The following ALPK3 variants were observed in gnomAD, a reference collection of about 807,000 sequenced individuals.
The protein encoded by ALPK3 is alpha kinase 3, also known as alpha-protein kinase 3.
In ALPK3, 102 loss-of-function variants were observed where a neutral mutation model predicts 140.0. The observed-to-expected ratio is 0.73, with a 90% CI of 0.62 to 0.86. The LOEUF is 0.86. Among genes scored for constraint, ALPK3 ranks in the 40% least tolerant of loss-of-function variants. The pLI is 0.00. For synonymous variants in ALPK3, 938 were observed against 898.5 expected, an observed-to-expected ratio of 1.04 and a Z score of -0.79; for missense variants, 2,254 against 2,208.2, an observed-to-expected ratio of 1.02 and a Z score of -0.42.
chr15:84,839,769 T>G lies in ALPK3; in HGVS notation c.490T>G (p.Ser164Ala), dbSNP rs1206736214. Residue 164 changes from serine (S) to alanine (A), a missense_variant, in exon 5 of 14, where the codon TCA becomes GCA. Ser to Ala is a moderately conservative substitution (Grantham distance 99). Transcript: ENST00000258888. ...AQNSKGIVSC[S>A]GVLEVGTMTE... is the part of the protein sequence containing the mutation. ...GAACAGCAAGGGCATTGTGTCCTGC[T>G]CAGGGGTCCTGGAGGTGGGCACCAT... 6.2e-7 allele frequency: 1 copy of G among 1,614,104 alleles called. No homozygotes were observed. Among genetic ancestry groups the G allele is most frequent in the South Asian group, 1.1e-5 (1 of 91,078 alleles).
At chr15:84,858,607 G>A (rs1596156380) in intron 6 of ALPK3, 52 bp downstream of exon 6, 3 of 1,511,220 alleles carry the variant, frequency 2.0e-6, no homozygotes, top group Middle Eastern at 1.9e-4. Flanking sequence ...GCCACAGAAA[G>A]CACACTGCTG....
intron 5 of ALPK3, among the ~76,000 whole-genome samples, chr15:84,846,978 T>A (rs1318307589): frequency 2.6e-5 from 4 of 152,152 alleles, no homozygotes; most frequent in Non-Finnish European, 5.9e-5. Context: ...TTGGCCAGCC[T>A]GGTCTTGAAC....
rs531734147 is a variant in ALPK3 at position 84,863,322 on chromosome 15, A to G, written c.4411-230A>G. Among the ~76,000 whole-genome samples, 3 of 152,320 alleles carry G rather than the reference A, an allele frequency of 2.0e-5. No homozygotes were observed. In the East Asian group the frequency reaches 5.8e-4, roughly 29 times the overall value. On this transcript the variant is annotated intron_variant, in intron 10 of 13. Transcript: ENST00000258888. The stretch of plus-strand genomic sequence containing the variant: ...ATAAGGACTCCCAAAAATAGTTCAG[A>G]AATCACTTCGAAAACCTCAGTTTGA...
At chr15:84,836,707 T>C (rs1963601054) in intron 3 of ALPK3, among the ~76,000 whole-genome samples, 1 of 152,234 alleles carries the variant, frequency 6.6e-6, no homozygotes, top group Non-Finnish European at 1.5e-5. Context: ...AAATGCCAGA[T>C]ATGCAGTCAG....
rs949112384 is a variant in ALPK3, at chr15:84,817,410, G to T, written c.-43G>T. The T allele has an allele frequency of 2.4e-6, 3 of 1,241,650 alleles. No homozygotes were observed. Among genetic ancestry groups the T allele is most frequent in the Non-Finnish European group, 3.0e-6 (3 of 996,576 alleles). The allele number at this position is 1,241,650 out of a possible 1,614,324, so 76.9% of individuals were successfully genotyped here. ...GGGCCGGGGCCTGGAGGACAGGCGA[G>T]GCAGCGGCGAGTGCGGGGCCGGCGG... On this transcript the variant is annotated 5_prime_UTR_variant, in exon 1 of 14. It adds an upstream start codon to the 5' untranslated region. Coordinates refer to ENST00000258888, the MANE Select transcript of ALPK3 (RefSeq NM_020778.5).
At chr15:84,838,531 C>CTGGG (rs1963619397) in intron 3 of ALPK3, among the ~76,000 whole-genome samples, 1 of 151,958 alleles carries the variant, frequency 6.6e-6, no homozygotes, top group Non-Finnish European at 1.5e-5. Context: ...TCCAGCAAGC[C>CTGGG]TGGGGCAGGT....
At chr15:84,831,996 A>C (rs1410949226) in intron 3 of ALPK3, among the ~76,000 whole-genome samples, 1 of 152,246 alleles carries the variant, frequency 6.6e-6, no homozygotes, top group Non-Finnish European at 1.5e-5. Context: ...TTCATAGAAT[A>C]GTCATGCCCT....
chr15:84,835,552 A>G (rs541576273), intron 3 of ALPK3, among the ~76,000 whole-genome samples: 56 of 152,218 alleles, frequency 3.7e-4, no homozygotes, highest in Non-Finnish European at 7.2e-4. Context: ...TGGTGGGGAT[A>G]TAGCAGTGAA....
At chr15:84,853,475 G>A (rs1963828542) in intron 5 of ALPK3, among the ~76,000 whole-genome samples, 2 of 152,218 alleles carry the variant, frequency 1.3e-5, no homozygotes, top group South Asian at 2.1e-4. Context: ...TTAGCTGGGC[G>A]TGGTGGCACA....
rs901021667 is a variant in ALPK3 at position 84,858,042 on chromosome 15, C to G, written c.3304C>G (p.Leu1102Val). 1.3e-6 allele frequency: 2 copies of G among 1,569,602 alleles called. No individual in the cohort carries two copies. Among genetic ancestry groups the G allele is most frequent in the Admixed American group, 3.8e-5 (2 of 52,778 alleles). The change falls in exon 6 of 14, where the codon CTC becomes GTC. Residue 1102 changes from leucine to valine, a missense_variant. Around this residue, in one of 3 missense-constraint regions of ALPK3, gnomAD observed 2,088 missense variants for 2,022.9 expected, o/e 1.03. Transcript: ENST00000258888. ...EGEVSPEGPG[L>V]LGASQESSMA... ...AGAGGTTTCCCCTGAGGGGCCTGGC[C>G]TCCTGGGGGCCTCTCAGGAGAGCAG...
intron 3 of ALPK3, among the ~76,000 whole-genome samples, chr15:84,832,443 T>C (rs1187169840): frequency 6.6e-6 from 1 of 152,212 alleles, no homozygotes; most frequent in East Asian, 1.9e-4. Flanking sequence ...AGGGAGGGTA[T>C]GAAGATAGAT....
intron 12 of ALPK3, among the ~76,000 whole-genome samples, chr15:84,866,590 C>G (rs1198878035): frequency 6.6e-6 from 1 of 152,198 alleles, no homozygotes; most frequent in African/African-American, 2.4e-5. Flanking sequence ...TACTAAGATA[C>G]CTGGGTGGCC....
intron 3 of ALPK3, among the ~76,000 whole-genome samples, chr15:84,832,280 T>C (rs952937123): frequency 1.3e-5 from 2 of 152,232 alleles, no homozygotes; most frequent in African/African-American, 4.8e-5. Flanking sequence ...GGTTGAGCTG[T>C]CTTGAGTCTG....
In ALPK3 at chr15:84,856,720, T is replaced by A. The variant is rs150227073; in HGVS notation, c.1982T>A (p.Met661Lys). The stretch of plus-strand genomic sequence containing the variant: ...TCAGACAGGAGTGCACAGAAGGGCA[T>A]GATGACACAGGGAAGGGCAGAGACA... Reference protein sequence around the residue: ...PQSDRSAQKGMMTQGRAETQL... With the variant: ...PQSDRSAQKGKMTQGRAETQL... The change falls in exon 6 of 14, where the codon ATG (methionine) becomes AAG (lysine). Residue 661 changes from methionine to lysine, a missense_variant. Transcript: ENST00000258888. 126 of 1,613,504 alleles carry A rather than the reference T, an allele frequency of 7.8e-5. 1 individual carries two copies. In the African/African-American group the frequency reaches 1.6e-3, roughly 20 times the overall value.
chr15:84,859,262 G>C lies in ALPK3; in HGVS notation c.3837G>C (p.Lys1279Asn), dbSNP rs1784915156. Residue 1279 changes from lysine to asparagine, a missense_variant, in exon 7 of 14, where the codon AAG becomes AAC. By Grantham distance (94) the Lys-to-Asn change is moderately conservative (BLOSUM62 0). Coordinates refer to ENST00000258888, the MANE Select transcript of ALPK3 (RefSeq NM_020778.5). ...DLLKAPQVIR[K>N]IRVEQFPDAS... ...TCTCAGCCCCACAGGTGATCCGGAA[G>C]ATTCGGGTGGAGCAGTTTCCTGATG... 1 of 1,614,030 alleles carries C rather than the reference G, an allele frequency of 6.2e-7. No individual in the cohort carries two copies. The highest frequency in any genetic ancestry group is 1.3e-5 in the African/African-American group (1 of 74,932).
At chr15:84,855,295 A>G (rs1963848054) in intron 5 of ALPK3, among the ~76,000 whole-genome samples, 2 of 151,048 alleles carry the variant, frequency 1.3e-5, no homozygotes, top group Admixed American at 1.3e-4. Context: ...GAACAGCTCC[A>G]CTCTCCTCCC....
In ALPK3 at chr15:84,823,377, A is replaced by C; in HGVS notation, c.182+9A>C. ...CACCCCAGCTCTGGAAGGTAAATGCATATTGCACTACATTTCTCTGACTGC... is the reference window on the plus strand; with the variant it reads ...CACCCCAGCTCTGGAAGGTAAATGCCTATTGCACTACATTTCTCTGACTGC... On this transcript the variant is annotated intron_variant, in intron 2 of 13. Transcript: ENST00000258888. The C allele has an allele frequency of 6.2e-7, 1 of 1,614,084 alleles. No homozygotes were observed. The highest frequency in any genetic ancestry group is 1.1e-5 in the South Asian group (1 of 91,068).
chr15:84,859,355 C>T lies in ALPK3; in HGVS notation c.3930C>T (p.Ala1310=). The part of the protein sequence containing the change: ...NILSDSVLTW[A]KDQRPVGEVG... ...TTAGTGACTCAGTCTTGACATGGGC[C>T]AAGGATCAGCGCCCAGTGGGCGAGG... is the stretch of plus-strand genomic sequence containing the variant. The change falls in exon 7 of 14, where the codon GCC becomes GCT. Residue 1310 remains alanine (A), a synonymous_variant. Coordinates refer to ENST00000258888, the MANE Select transcript of ALPK3 (RefSeq NM_020778.5). 1 of 1,614,150 alleles carries T rather than the reference C, an allele frequency of 6.2e-7. No individual in the cohort carries two copies. The highest frequency in any genetic ancestry group is 8.5e-7 in the Non-Finnish European group (1 of 1,180,022).
rs576781557 is a variant in ALPK3 at position 84,846,352 on chromosome 15, A to G, written c.1653+5420A>G. On this transcript the variant is annotated intron_variant, in intron 5 of 13. Coordinates refer to ENST00000258888, the MANE Select transcript of ALPK3 (RefSeq NM_020778.5). ...ATGGAAAGACAATCAAAGAGTGCCA[A>G]TGCCACAGTGACACAGATGTTAGAA... is the stretch of plus-strand genomic sequence containing the variant. Among the ~76,000 whole-genome samples the G allele has an allele frequency of 3.3e-5, 5 of 152,370 alleles. No individual in the cohort carries two copies. The South Asian group carries it at 1.0e-3, about 32-fold the overall frequency.
Sources: allele counts gnomAD v4.1 joint callset (sites outside exome capture counted in the v4.1 genomes callset), GRCh38; gene constraint gnomAD v4.1.1; regional missense constraint gnomAD v4.1.1; transcripts MANE v1.5; gene names NCBI Gene and HGNC (gene_info 2026-07-23, HGNC 2026-07-21).